Variants in SH3KBP1 observed in about 807,000 individuals in gnomAD.
SH3KBP1 encodes SH3 domain-containing kinase-binding protein 1.
SH3KBP1 carries 8 observed loss-of-function variants against 50.1 expected under a neutral mutation model. That is an observed-to-expected ratio of 0.16 (90% CI 0.09 to 0.29). The LOEUF (loss-of-function observed/expected upper bound fraction) is 0.29. Ranked by LOEUF, SH3KBP1 falls within the 10% of genes least tolerant of loss-of-function variation. The probability of loss-of-function intolerance (pLI) is 1.00; values close to 1 mark genes in which losing one functional copy is unlikely to be tolerated. For missense variants in SH3KBP1, 377 were observed against 535.2 expected (o/e 0.70, Z 2.92); for synonymous variants, 227 against 218.6 (o/e 1.04, Z -0.34).
chrX:19,738,166 G>C (rs2064650150), intron 3 of SH3KBP1, among the ~76,000 whole-genome samples: 1 of 111,550 alleles, frequency 9.0e-6, no homozygotes, highest in Admixed American at 9.5e-5. Context: ...CTTACCATAG[G>C]CCATCTGAGA....
chrX:19,887,199 C>T, intron 1 of SH3KBP1, 108 bp downstream of exon 1: 1 of 683,392 alleles, frequency 1.5e-6, no homozygotes, highest in East Asian at 4.8e-5. Context: ...CGGTGTCCCC[C>T]GTCCGGACCC....
chrX:19,624,546 C>G (rs1405610608), intron 8 of SH3KBP1, among the ~76,000 whole-genome samples: 1 of 111,850 alleles, frequency 8.9e-6, no homozygotes, highest in Admixed American at 9.5e-5. Flanking sequence ...CTTTCAACAA[C>G]TGTCTACTGG....
intron 6 of SH3KBP1, chrX:19,648,205 C>T (rs1422661993): frequency 6.8e-6 from 2 of 291,985 alleles, no homozygotes; most frequent in African/African-American, 5.6e-5. Flanking sequence ...CTGAGGGAAA[C>T]ATGGGGGAGG....
chrX:19,859,766 T>C (rs2068737601), intron 1 of SH3KBP1, among the ~76,000 whole-genome samples: 1 of 110,529 alleles, frequency 9.0e-6, no homozygotes, highest in Non-Finnish European at 1.9e-5. Context: ...ACAAGTATAA[T>C]AGGTTGGGCT....
intron 2 of SH3KBP1, among the ~76,000 whole-genome samples, chrX:19,751,839 C>A (rs1012152547): frequency 4.5e-5 from 5 of 112,219 alleles, no homozygotes; most frequent in African/African-American, 1.6e-4. Context: ...CAGCGGCCTG[C>A]AAACAGCAGC....
chrX:19,810,341 C>T (rs757145265), intron 2 of SH3KBP1, among the ~76,000 whole-genome samples: 2 of 112,686 alleles, frequency 1.8e-5, no homozygotes, highest in African/African-American at 3.2e-5. Context: ...AGTGAATCTT[C>T]GTGTGACTTT....
chrX:19,695,171 C>T, intron 5 of SH3KBP1: 1 of 550,226 alleles, frequency 1.8e-6, no homozygotes. Flanking sequence ...GATTGGCATG[C>T]ACTCATCTTG....
At chrX:19,677,836 G>T (rs1252855908) in intron 6 of SH3KBP1, among the ~76,000 whole-genome samples, 1 of 111,863 alleles carries the variant, frequency 8.9e-6, no homozygotes, top group Admixed American at 9.5e-5. Flanking sequence ...AATTCAAATG[G>T]ACACTCTCTG....
intron 13 of SH3KBP1, among the ~76,000 whole-genome samples, chrX:19,560,033 C>T (rs2065621201): frequency 9.0e-6 from 1 of 110,611 alleles, no homozygotes; most frequent in Admixed American, 9.7e-5. Flanking sequence ...GCCTATAAGT[C>T]GCAGCTACTC....
At chrX:19,605,202 G>A (rs1384563266) in intron 9 of SH3KBP1, among the ~76,000 whole-genome samples, 2 of 110,594 alleles carry the variant, frequency 1.8e-5, no homozygotes, top group African/African-American at 6.6e-5. Flanking sequence ...TAGAAGGCAT[G>A]CTTTACCCAT....
Position 19,631,892 on chromosome X carries a change from T to C in SH3KBP1, c.869A>G (p.Glu290Gly). The C allele has an allele frequency of 8.4e-7, 1 of 1,195,177 alleles. No individual in the cohort carries two copies. Among genetic ancestry groups the C allele is most frequent in the African/African-American group, 1.7e-5 (1 of 57,509 alleles). The part of the protein sequence containing the change: ...AQNDDELTIK[E>G]GDIVTLINKD... ...ATTGATGAGAGTGACTATATCTCCT[T>C]CTTTGATTGTCAATTCATCATCATT... Residue 290 changes from glutamate to glycine, a missense_variant, in exon 8 of 18, where the codon GAA becomes GGA. Transcript: ENST00000397821.
chrX:19,704,250 T>C (rs890739707), intron 4 of SH3KBP1, among the ~76,000 whole-genome samples: 3 of 112,721 alleles, frequency 2.7e-5, no homozygotes, highest in Non-Finnish European at 5.6e-5. Context: ...GCTGGTATTG[T>C]AGATGATGGC....
intron 9 of SH3KBP1, among the ~76,000 whole-genome samples, chrX:19,605,105 G>A (rs1313973036): frequency 9.0e-6 from 1 of 110,818 alleles, no homozygotes; most frequent in East Asian, 2.8e-4. Context: ...AATAGCTTAT[G>A]TAACACAGAG....
intron 1 of SH3KBP1, among the ~76,000 whole-genome samples, chrX:19,852,247 T>A (rs914288998): frequency 9.0e-6 from 1 of 111,207 alleles, no homozygotes; most frequent in South Asian, 3.8e-4. Flanking sequence ...AGCCTTCAGA[T>A]CGTTCCAGCC....
chrX:19,834,811 C>T (rs1234062657), intron 2 of SH3KBP1, among the ~76,000 whole-genome samples: 2 of 110,700 alleles, frequency 1.8e-5, no homozygotes, highest in African/African-American at 6.6e-5. Context: ...GGGCGGATCA[C>T]TTGAGGTCAG....
chrX:19,834,869 A>C (rs1187345910), intron 2 of SH3KBP1, among the ~76,000 whole-genome samples: 1 of 107,945 alleles, frequency 9.3e-6, no homozygotes, highest in Non-Finnish European at 1.9e-5. Context: ...ATCTCTACTT[A>C]AAAAAAAATA....
chrX:19,629,289 C>T (rs765056788), intron 8 of SH3KBP1, among the ~76,000 whole-genome samples: 3 of 110,005 alleles, frequency 2.7e-5, no homozygotes, highest in African/African-American at 3.3e-5. Flanking sequence ...GAGGTCAGGA[C>T]GGGTGAAGGA....
Position 19,849,364 on chromosome X carries a change from A to T in SH3KBP1, c.5-13082T>A, listed in dbSNP as rs188501800. Among the ~76,000 whole-genome samples, 665 of 111,313 alleles carry T rather than the reference A, an allele frequency of 6.0e-3. 2 individuals carry two copies. The highest frequency in any genetic ancestry group is 9.4e-3 in the African/African-American group (288 of 30,609). The stretch of plus-strand genomic sequence containing the variant: ...TAGTTTCTTCAACAACAACAAAAGC[A>T]AGGAAAAAGAGATGGCAGAACCTAG... On this transcript the variant is annotated intron_variant, in intron 1 of 17. Transcript: ENST00000397821.
chrX:19,543,409 A>T (rs1313464560), intron 15 of SH3KBP1, among the ~76,000 whole-genome samples: 2 of 111,527 alleles, frequency 1.8e-5, no homozygotes, highest in African/African-American at 6.5e-5. Context: ...GAAGCAGAAG[A>T]CAGGCCTGGA....
Sources: allele counts gnomAD v4.1 joint callset (sites outside exome capture counted in the v4.1 genomes callset), GRCh38; gene constraint gnomAD v4.1.1; transcripts MANE v1.5; gene names NCBI Gene and HGNC (gene_info 2026-07-23, HGNC 2026-07-21).